EPB41: variants seen among roughly 807,000 people sequenced by gnomAD.
The protein encoded by EPB41 is erythrocyte membrane protein band 4.1.
A neutral mutation model predicts 108.0 loss-of-function variants in EPB41; 65 were observed. That is an observed-to-expected ratio of 0.60 (90% CI 0.49 to 0.74). The LOEUF (loss-of-function observed/expected upper bound fraction) is 0.74. Among genes scored for constraint, EPB41 ranks in the 30% least tolerant of loss-of-function variants. EPB41 has a pLI of 0.00. For missense variants in EPB41, 875 were observed against 1,037.0 expected (o/e 0.84, Z 2.15); for synonymous variants, 336 against 358.9 (o/e 0.94, Z 0.72).
intron 17 of EPB41, among the ~76,000 whole-genome samples, chr1:29,101,498 T>G (rs1239306317): frequency 1.3e-5 from 2 of 151,862 alleles, no homozygotes; most frequent in African/African-American, 4.8e-5. Flanking sequence ...ATTTTGAGTT[T>G]GGTACATAAT....
chr1:28,921,274 CCT>C (rs1049513958), intron 1 of EPB41, among the ~76,000 whole-genome samples: 14 of 152,264 alleles, frequency 9.2e-5, no homozygotes, highest in African/African-American at 3.4e-4. Context: ...TATCTTTAAA[CCT>C]ATCTTATAAA....
chr1:29,058,515 T>G, intron 12 of EPB41, 74 bp from the exon 13 acceptor site: 1 of 1,330,968 alleles, frequency 7.5e-7, no homozygotes, highest in Non-Finnish European at 1.1e-6. Flanking sequence ...AGATGCAGCT[T>G]ATTTGGAAAC....
chr1:29,011,122 CAAA>C (rs71022386), intron 4 of EPB41, among the ~76,000 whole-genome samples: 4 of 113,764 alleles, frequency 3.5e-5, no homozygotes, highest in Admixed American at 9.3e-5. Context: ...GAAACTCTGT[CAAA>C]AAAAAAAAAA....
At chr1:28,907,151 G>A (rs2091899448) in intron 1 of EPB41, among the ~76,000 whole-genome samples, 1 of 150,908 alleles carries the variant, frequency 6.6e-6, no homozygotes. Context: ...TGCAACGTCC[G>A]CCTCCTGGGT....
intron 1 of EPB41, among the ~76,000 whole-genome samples, chr1:28,925,243 G>A (rs1045877283): frequency 2.0e-5 from 3 of 152,050 alleles, no homozygotes; most frequent in Admixed American, 6.6e-5. Context: ...GATTACAGGC[G>A]TGAGCCACCG....
At position 28,887,813 on chromosome 1, in the gene EPB41, G is replaced by T; in HGVS notation, c.-8+603G>T. 1 of 395,944 alleles carries T rather than the reference G, an allele frequency of 2.5e-6. No homozygotes were observed. Among genetic ancestry groups the T allele is most frequent in the South Asian group, 1.0e-4 (1 of 9,622 alleles). 24.5% of individuals were successfully genotyped at this position (395,944 alleles called of 1,614,324 possible). On this transcript the variant is annotated intron_variant, in intron 1 of 16. Coordinates refer to the EPB41 transcript ENST00000347529. The surrounding 1 kb of genome is among the most constrained non-coding windows in gnomAD (Gnocchi z 4.9). ...GCCAGCCCCACACCCTCCCTGCCAG[G>T]CTTGGTCTAGGGGACTTCCCTCTGT... is the stretch of plus-strand genomic sequence containing the variant.
At chr1:28,985,743 T>G (rs928022917) in intron 1 of EPB41, 7 of 152,216 alleles carry the variant, frequency 4.6e-5, no homozygotes, top group Non-Finnish European at 1.0e-4. Flanking sequence ...TACAGCTAAT[T>G]GATCACAACC....
rs112957720 is a variant in EPB41 at position 28,887,312 on chromosome 1, C to G, written c.-8+102C>G. The G allele has an allele frequency of 9.7e-5, 117 of 1,207,518 alleles. No homozygotes were observed. The African/African-American group carries it at 1.6e-3, about 16-fold the overall frequency. 74.8% of individuals were successfully genotyped at this position (1,207,518 alleles called of 1,614,324 possible). A position where few individuals can be genotyped will look rare whatever the true frequency, so the allele number is the denominator to read the frequency against. On this transcript the variant is annotated intron_variant, in intron 1 of 16. Coordinates refer to the EPB41 transcript ENST00000347529. This position sits in a 1 kb window ranked among gnomAD's most constrained non-coding sequence, Gnocchi z 4.9. ...AGGGCTCGGACCGTCCCGGGAGAGG[C>G]GAGACCAGGGTCGAAGGGTCCAGGG... is the stretch of plus-strand genomic sequence containing the variant.
chr1:28,963,344 CGTGTGTGTGT>C (rs57558766), intron 1 of EPB41, among the ~76,000 whole-genome samples: 1,590 of 146,312 alleles, frequency 0.011, 37 homozygotes, highest in African/African-American at 0.036. Context: ...AAATCAGAAT[CGTGTGTGTGT>C]GTGTGTGTGT....
At chr1:29,097,769 A>G in intron 16 of EPB41, 38 bp from the exon 17 acceptor site, 1 of 1,611,796 alleles carries the variant, frequency 6.2e-7, no homozygotes, top group Non-Finnish European at 8.5e-7. Flanking sequence ...CATTGCCTTC[A>G]GAAATACTCT....
intron 16 of EPB41, among the ~76,000 whole-genome samples, chr1:29,084,488 G>A (rs745712493): frequency 3.3e-5 from 5 of 152,196 alleles, no homozygotes; most frequent in Non-Finnish European, 5.9e-5. Flanking sequence ...ATAGCTTAAC[G>A]GATGTAGTGG....
At chr1:28,922,644 T>C (rs7522955) in intron 1 of EPB41, among the ~76,000 whole-genome samples, 45,273 of 134,656 alleles carry the variant, frequency 0.34, 8,523 homozygotes, top group Non-Finnish European at 0.42. Context: ...TTTTTTTTTT[T>C]CGAGATTGAG....
intron 11 of EPB41, among the ~76,000 whole-genome samples, chr1:29,050,833 G>A (rs12058810): frequency 0.075 from 11,353 of 151,136 alleles, 440 homozygotes; most frequent in African/African-American, 0.1. Flanking sequence ...CCGCCACCAC[G>A]CCCAGCTAAT....
At chr1:29,112,029 C>T (rs1445190839) in intron 18 of EPB41, among the ~76,000 whole-genome samples, 2 of 151,458 alleles carry the variant, frequency 1.3e-5, no homozygotes, top group East Asian at 1.9e-4. Context: ...GAAGTGTACT[C>T]TACAAGGGAG....
In EPB41 at chr1:29,032,248, A is replaced by G. The variant is rs563992789; in HGVS notation, c.1213-845A>G. ...TGAAATGGTTAGATTTTGCTTCACA[A>G]TTCCTGCTGGAAGCTGGTGTCAATT... is the stretch of plus-strand genomic sequence containing the variant. On this transcript the variant is annotated intron_variant, in intron 8 of 20. Coordinates refer to ENST00000343067, the MANE Select transcript of EPB41 (RefSeq NM_001376013.1). 4.6e-5 allele frequency among the ~76,000 whole-genome samples: 7 copies of G among 152,260 alleles called. No individual in the cohort carries two copies. The East Asian group carries it at 5.8e-4, about 13-fold the overall frequency.
At chr1:28,957,234 A>G (rs918968504) in intron 1 of EPB41, among the ~76,000 whole-genome samples, 7 of 152,384 alleles carry the variant, frequency 4.6e-5, no homozygotes, top group African/African-American at 1.7e-4. Context: ...CTGCAGGGGA[A>G]GTAAGAGAAC....
chr1:29,055,677 C>T (rs1299402842), intron 12 of EPB41, among the ~76,000 whole-genome samples: 3 of 145,698 alleles, frequency 2.1e-5, no homozygotes, highest in Non-Finnish European at 3.0e-5. Context: ...GCGGCAGGCA[C>T]GGTGGCTCAC....
Position 28,989,496 on chromosome 1 carries a change from CT to C in EPB41, c.468+1592del, listed in dbSNP as rs559415681. The C allele has an allele frequency of 8.6e-5, 48 of 557,712 alleles. No individual in the cohort carries two copies. In the African/African-American group the frequency reaches 8.8e-4, roughly 10 times the overall value. The allele number at this position is 557,712 out of a possible 1,614,324, so 34.5% of individuals were successfully genotyped here. ...AAAAAAGTAAAAGTCCTACATGTTT[CT>C]ATTATAGGTCTGAGATTTGGACTCC... On this transcript the variant is annotated intron_variant, in intron 2 of 20. Transcript: ENST00000343067.
chr1:28,942,902 T>A (rs1428336188), intron 1 of EPB41, among the ~76,000 whole-genome samples: 1 of 152,234 alleles, frequency 6.6e-6, no homozygotes, highest in Non-Finnish European at 1.5e-5. Context: ...TTAGGAAGTA[T>A]GTGCCAGGAC....
Sources: allele counts gnomAD v4.1 joint callset (sites outside exome capture counted in the v4.1 genomes callset), GRCh38; gene constraint gnomAD v4.1.1; non-coding constraint Gnocchi (gnomAD v3.1); transcripts MANE v1.5; gene names NCBI Gene and HGNC (gene_info 2026-07-23, HGNC 2026-07-21).